Variants in SLC24A4 observed in about 807,000 individuals in gnomAD.
SLC24A4 encodes sodium/potassium/calcium exchanger 4.
SLC24A4 carries 53 observed loss-of-function variants against 79.0 expected under a neutral mutation model. That is an observed-to-expected ratio of 0.67 (90% CI 0.54 to 0.84). The LOEUF (loss-of-function observed/expected upper bound fraction) is 0.84, where lower values mean the gene tolerates loss of function less well. SLC24A4 is among the 40% of genes least tolerant of loss of function. The probability of loss-of-function intolerance (pLI) is 0.00; values close to 1 mark genes in which losing one functional copy is unlikely to be tolerated. For synonymous variants in SLC24A4, 323 were observed against 323.8 expected, an observed-to-expected ratio of 1.00 and a Z score of 0.03; for missense variants, 731 against 822.0, an observed-to-expected ratio of 0.89 and a Z score of 1.35.
In SLC24A4 at chr14:92,329,575, T is replaced by C. The variant is rs551754805; in HGVS notation, c.241+3597T>C. The stretch of plus-strand genomic sequence containing the variant: ...TGTCACTCTGTCACCCAGACTGGAA[T>C]GCAGTGGTGTGATTATGTCTCATGG... On this transcript the variant is annotated intron_variant, in intron 2 of 16. Transcript: ENST00000532405. Among the ~76,000 whole-genome samples, 4 of 152,344 alleles carry C rather than the reference T, an allele frequency of 2.6e-5. No homozygotes were observed. The South Asian group carries it at 8.3e-4, about 32-fold the overall frequency.
Position 92,395,770 on chromosome 14 carries a change from G to A in SLC24A4, c.242-38142G>A, listed in dbSNP as rs75521955. On this transcript the variant is annotated intron_variant, in intron 2 of 16. Coordinates refer to ENST00000532405, the MANE Select transcript of SLC24A4 (RefSeq NM_153646.4). ...GACTTGGAGGAAGCATGCTTTAGGG[G>A]TGTATACCTTCTGGTTTTTGTCATG... Among the ~76,000 whole-genome samples the A allele has an allele frequency of 9.8e-3, 1,494 of 152,178 alleles. 35 individuals are homozygous for A. The highest frequency in any genetic ancestry group is 0.034 in the African/African-American group (1,429 of 41,506).
At chr14:92,444,626 G>A (rs188323149) in intron 7 of SLC24A4, among the ~76,000 whole-genome samples, 7 of 152,244 alleles carry the variant, frequency 4.6e-5, no homozygotes, top group African/African-American at 9.6e-5. Flanking sequence ...AGGCCGAGGC[G>A]GGCTGATCAC....
chr14:92,413,130 C>T (rs1334630310), intron 2 of SLC24A4, among the ~76,000 whole-genome samples: 1 of 152,182 alleles, frequency 6.6e-6, no homozygotes, highest in Non-Finnish European at 1.5e-5. Flanking sequence ...TCCAGGAAGA[C>T]GTTTGCCAAC....
At chr14:92,393,243 G>A (rs1889583241) in intron 2 of SLC24A4, among the ~76,000 whole-genome samples, 1 of 152,230 alleles carries the variant, frequency 6.6e-6, no homozygotes, top group Non-Finnish European at 1.5e-5. Context: ...AAAGCAGTGG[G>A]AACAGACCAG....
At chr14:92,454,096 G>T in intron 11 of SLC24A4, 27 bp downstream of exon 11, 1 of 1,606,034 alleles carries the variant, frequency 6.2e-7, no homozygotes, top group Non-Finnish European at 8.5e-7. Context: ...GACCATAAAA[G>T]TGAGCAGCCT....
chr14:92,371,899 G>C (rs1296498105), intron 2 of SLC24A4, among the ~76,000 whole-genome samples: 4 of 152,214 alleles, frequency 2.6e-5, no homozygotes, highest in Non-Finnish European at 1.5e-5. Context: ...CCAAGGCAGG[G>C]GCCATGGCTG....
rs761590297 is a variant in SLC24A4 at position 92,439,363 on chromosome 14, T to C, written c.347T>C (p.Ile116Thr). 6.2e-7 allele frequency: 1 copy of C among 1,613,014 alleles called. No homozygotes were observed. The highest frequency in any genetic ancestry group is 8.5e-7 in the Non-Finnish European group (1 of 1,179,110). The change falls in exon 4 of 17, where the codon ATA becomes ACA. Residue 116 changes from isoleucine (I) to threonine (T), a missense_variant. Physicochemically the swap from Ile to Thr is moderately conservative, Grantham distance 89. Transcript: ENST00000532405. ...CTGTATATGTTCTATGCCTTGGCCA[T>C]AGTGTGCGATGACTTCTTTGTTCCG... Reference protein sequence around the residue: ...GALYMFYALAIVCDDFFVPSL... With the variant: ...GALYMFYALATVCDDFFVPSL...
chr14:92,443,550 C>T (rs777816552), intron 7 of SLC24A4, 76 bp downstream of exon 7: 131 of 1,447,696 alleles, frequency 9.0e-5, no homozygotes, highest in Non-Finnish European at 1.2e-4. Flanking sequence ...CCATCTCTGC[C>T]CCTGGCACTG....
Position 92,476,206 on chromosome 14 carries a change from G to A in SLC24A4, c.1256-6474G>A, listed in dbSNP as rs118139798. ...AGCGAATTCTTCCTCTACATACGGA[G>A]TTTTCTGTCAATTCTAGAAATACAC... On this transcript the variant is annotated intron_variant, in intron 12 of 16. Transcript: ENST00000532405. Among the ~76,000 whole-genome samples the A allele has an allele frequency of 6.4e-3, 968 of 152,292 alleles. 3 individuals are homozygous for A. The highest frequency in any genetic ancestry group is 0.011 in the Non-Finnish European group (744 of 68,028).
intron 2 of SLC24A4, among the ~76,000 whole-genome samples, chr14:92,392,355 T>C (rs749214948): frequency 5.3e-5 from 8 of 151,960 alleles, no homozygotes; most frequent in Non-Finnish European, 7.4e-5. Context: ...TTGTCAGTCT[T>C]ACTTGGTTTC....
intron 9 of SLC24A4, 45 bp downstream of exon 9, chr14:92,447,469 A>G (rs937752669): frequency 1.7e-5 from 27 of 1,543,094 alleles, no homozygotes; most frequent in Non-Finnish European, 2.2e-5. Context: ...GCCTTGCCCC[A>G]CTGCCTGCTA....
intron 14 of SLC24A4, among the ~76,000 whole-genome samples, chr14:92,489,903 C>T (rs1895587030): frequency 6.6e-6 from 1 of 152,208 alleles, no homozygotes; most frequent in Non-Finnish European, 1.5e-5. Context: ...ACAACAGTTG[C>T]TGCATGTTCC....
chr14:92,385,386 G>A (rs1889093806), intron 2 of SLC24A4, among the ~76,000 whole-genome samples: 1 of 151,854 alleles, frequency 6.6e-6, no homozygotes, highest in African/African-American at 2.4e-5. Flanking sequence ...AATCTCAGCT[G>A]CTCGGGAGGC....
rs1306060549 is a variant in SLC24A4, at chr14:92,495,884, C to T, written c.*2256C>T. On this transcript the variant is annotated 3_prime_UTR_variant, in exon 17 of 17. Coordinates refer to ENST00000532405, the MANE Select transcript of SLC24A4 (RefSeq NM_153646.4). ...CAATATATCATTGACTCCTGGGTTC[C>T]TCAGGTCATTTCCTAATATCTGTCC... The T allele has an allele frequency of 6.6e-6, 1 of 152,224 alleles. No individual in the cohort carries two copies. Among genetic ancestry groups the T allele is most frequent in the East Asian group, 1.9e-4 (1 of 5,198 alleles). 9.4% of individuals were successfully genotyped at this position (152,224 alleles called of 1,614,324 possible).
At chr14:92,395,644 T>C (rs906145185) in intron 2 of SLC24A4, among the ~76,000 whole-genome samples, 2 of 152,148 alleles carry the variant, frequency 1.3e-5, no homozygotes, top group Admixed American at 1.3e-4. Flanking sequence ...GTGAGGGCCC[T>C]AATTCAGGAT....
chr14:92,381,737 G>A (rs1000770753), intron 2 of SLC24A4, among the ~76,000 whole-genome samples: 1 of 150,172 alleles, frequency 6.7e-6, no homozygotes, highest in Non-Finnish European at 1.5e-5. Flanking sequence ...AGCCATGCCT[G>A]CACATTGGAA....
rs752087582 is a variant in SLC24A4, at chr14:92,323,812, G to C, written c.-19G>C. On this transcript the variant is annotated 5_prime_UTR_variant, in exon 1 of 17. Coordinates refer to ENST00000532405, the MANE Select transcript of SLC24A4 (RefSeq NM_153646.4). This position sits in a 1 kb window ranked among gnomAD's most constrained non-coding sequence, Gnocchi z 4.9. ...AAGCTCCCCATCCTCTCCCAGAGAC[G>C]GCACCCAGGCGCTCCGGGATGGCGC... 2.8e-5 allele frequency: 44 copies of C among 1,552,304 alleles called. No homozygotes were observed. Among genetic ancestry groups the C allele is most frequent in the Non-Finnish European group, 3.6e-5 (42 of 1,155,982 alleles).
chr14:92,437,231 T>C (rs1892225604), intron 3 of SLC24A4, among the ~76,000 whole-genome samples: 1 of 152,252 alleles, frequency 6.6e-6, no homozygotes, highest in South Asian at 2.1e-4. Flanking sequence ...CTCTCTATTC[T>C]ACCTGTTGTT....
intron 12 of SLC24A4, among the ~76,000 whole-genome samples, chr14:92,482,376 T>C (rs1895110931): frequency 6.6e-6 from 1 of 152,196 alleles, no homozygotes; most frequent in Non-Finnish European, 1.5e-5. Context: ...CAACCATAAC[T>C]CACATCCCCA....
Sources: allele counts gnomAD v4.1 joint callset (sites outside exome capture counted in the v4.1 genomes callset), GRCh38; gene constraint gnomAD v4.1.1; non-coding constraint Gnocchi (gnomAD v3.1); transcripts MANE v1.5; gene names NCBI Gene and HGNC (gene_info 2026-07-23, HGNC 2026-07-21).